The following ZNF716 variants were observed in gnomAD, a reference collection of about 807,000 sequenced individuals.
ZNF716 encodes the protein zinc finger protein 716.
ZNF716 carries 9 observed loss-of-function variants against 13.4 expected under a neutral mutation model. The observed-to-expected ratio is 0.67, with a 90% CI of 0.41 to 1.18. The LOEUF is 1.18. ZNF716 is among the 50% of genes most tolerant of loss of function. ZNF716 has a pLI of 0.01. For missense variants in ZNF716, 581 were observed against 576.6 expected, an observed-to-expected ratio of 1.01 and a Z score of -0.08; for synonymous variants, 186 against 195.2, an observed-to-expected ratio of 0.95 and a Z score of 0.39.
At position 57,469,790 on chromosome 7, in the gene ZNF716, A is replaced by G. The variant is rs782111532; in HGVS notation, c.1329A>G (p.Lys443=). The change falls in exon 4 of 4, where the codon AAA becomes AAG. Residue 443 remains lysine (K), a synonymous_variant. Transcript: ENST00000420713. ...EKLYKCKECG[K]AFTFSSTLNT... is the part of the protein sequence containing the mutation. ...TCTACAAATGTAAAGAATGTGGGAA[A>G]GCCTTTACCTTCTCCTCAACTCTAA... is the stretch of plus-strand genomic sequence containing the variant. 6.2e-7 allele frequency: 1 copy of G among 1,607,350 alleles called. No homozygotes were observed. The highest frequency in any genetic ancestry group is 8.5e-7 in the Non-Finnish European group (1 of 1,176,540).
chr7:57,468,722 A>C lies in ZNF716; in HGVS notation c.263-2A>C. The C allele has an allele frequency of 6.3e-7, 1 of 1,595,848 alleles. No individual in the cohort carries two copies. The highest frequency in any genetic ancestry group is 8.5e-7 in the Non-Finnish European group (1 of 1,175,230). On this transcript the variant is annotated splice_acceptor_variant, in intron 3 of 3. Coordinates refer to ENST00000420713, the MANE Select transcript of ZNF716 (RefSeq NM_001159279.1). LOFTEE classifies it high-confidence loss of function. Reference sequence around the variant, plus strand: ...GAAACTTGTGATTTTTATGTCTTTCAGTTACATGTTCTCATTTCACCCAAG... The same window carrying C: ...GAAACTTGTGATTTTTATGTCTTTCCGTTACATGTTCTCATTTCACCCAAG...
chr7:57,465,835 A>G (rs1789799664), intron 3 of ZNF716, among the ~76,000 whole-genome samples: 1 of 152,212 alleles, frequency 6.6e-6, no homozygotes, highest in Admixed American at 6.5e-5. Flanking sequence ...CATACACACC[A>G]TGGTATGCTA....
chr7:57,458,000 T>A (rs1462267950), intron 1 of ZNF716, among the ~76,000 whole-genome samples: 1 of 152,356 alleles, frequency 6.6e-6, no homozygotes, highest in Non-Finnish European at 1.5e-5. Flanking sequence ...TTCTTTCTTA[T>A]AACTGCATCG....
intron 3 of ZNF716, among the ~76,000 whole-genome samples, chr7:57,464,284 G>T (rs1554323691): frequency 2.0e-5 from 3 of 151,836 alleles, no homozygotes; most frequent in Non-Finnish European, 4.4e-5. Flanking sequence ...ACCATGTGCA[G>T]CTAATTTTGT....
At position 57,469,408 on chromosome 7, in the gene ZNF716, G is replaced by T. The variant is rs782811013; in HGVS notation, c.947G>T (p.Arg316Ile). Residue 316 changes from arginine (R) to isoleucine (I), a missense_variant, in exon 4 of 4, where the codon AGA (arginine) becomes ATA (isoleucine). Transcript: ENST00000420713. ...TCTTCAACACTTACTAACCACAAGA[G>T]AATTCATACTGGAGAGAGACCCTAC... is the stretch of plus-strand genomic sequence containing the variant. ...SRSSTLTNHK[R>I]IHTGERPYKC... is the part of the protein sequence containing the mutation. The T allele has an allele frequency of 6.2e-6, 10 of 1,613,368 alleles. No individual in the cohort carries two copies. Among genetic ancestry groups the T allele is most frequent in the Middle Eastern group, 1.6e-4 (1 of 6,082 alleles).
intron 1 of ZNF716, among the ~76,000 whole-genome samples, chr7:57,459,752 A>G (rs1255323147): frequency 3.9e-5 from 6 of 152,164 alleles, no homozygotes; most frequent in Non-Finnish European, 8.8e-5. Context: ...AGTGCGGTTC[A>G]TGCTCCCATT....
chr7:57,451,003 A>G (rs1554321447), intron 1 of ZNF716, among the ~76,000 whole-genome samples: 1 of 150,088 alleles, frequency 6.7e-6, no homozygotes, highest in Non-Finnish European at 1.5e-5. Context: ...TTTTTCTTCA[A>G]GAAAGTAATT....
chr7:57,463,318 G>A (rs1478542783), intron 3 of ZNF716, 150 bp downstream of exon 3: 7 of 1,026,040 alleles, frequency 6.8e-6, no homozygotes, highest in Non-Finnish European at 9.8e-6. Context: ...TGCTTACATA[G>A]GGACACCTTC....
rs782273044 is a variant in ZNF716, at chr7:57,469,178, A to G, written c.717A>G (p.Lys239=). Residue 239 remains lysine (K), a synonymous_variant, in exon 4 of 4, where the codon AAA becomes AAG. Coordinates refer to ENST00000420713, the MANE Select transcript of ZNF716 (RefSeq NM_001159279.1). The part of the protein sequence containing the change: ...TRHKRIHTGE[K]PYRCEECGKA... ...ATAAAAGAATTCATACTGGAGAGAAACCCTACAGATGTGAGGAATGTGGCA... is the reference window on the plus strand; with the variant it reads ...ATAAAAGAATTCATACTGGAGAGAAGCCCTACAGATGTGAGGAATGTGGCA... The G allele has an allele frequency of 6.8e-6, 11 of 1,612,634 alleles. No homozygotes were observed. Among genetic ancestry groups the G allele is most frequent in the East Asian group, 2.2e-5 (1 of 44,750 alleles).
intron 1 of ZNF716, among the ~76,000 whole-genome samples, chr7:57,462,099 G>T (rs1789715537): frequency 6.6e-6 from 1 of 151,596 alleles, no homozygotes; most frequent in African/African-American, 2.4e-5. Flanking sequence ...GGCGGAGGTT[G>T]CAGTGAGCCA....
At chr7:57,455,083 T>G (rs1403087674) in intron 1 of ZNF716, among the ~76,000 whole-genome samples, 5 of 152,106 alleles carry the variant, frequency 3.3e-5, no homozygotes, top group African/African-American at 1.2e-4. Context: ...TGTAAGATTT[T>G]TCAGGGTATC....
Position 57,469,988 on chromosome 7 carries a change from A to C in ZNF716, c.*39A>C. ...AGCCCTCAGGCCTTATAATACATAA[A>C]ATAATTTATACTGGAAAAAATCACT... On this transcript the variant is annotated 3_prime_UTR_variant, in exon 4 of 4. Transcript: ENST00000420713. 1 of 1,472,096 alleles carries C rather than the reference A, an allele frequency of 6.8e-7. No homozygotes were observed. The highest frequency in any genetic ancestry group is 9.0e-7 in the Non-Finnish European group (1 of 1,112,044). The allele number at this position is 1,472,096 out of a possible 1,614,324, so 91.2% of individuals were successfully genotyped here.
In ZNF716 at chr7:57,463,059, C is replaced by A. The variant is rs539271846; in HGVS notation, c.167-14C>A. 1.2e-5 allele frequency: 19 copies of A among 1,598,590 alleles called. No individual in the cohort carries two copies. The African/African-American group carries it at 2.2e-4, about 18-fold the overall frequency. ...AGCCAGATTTATGTTACTTTTTTTT[C>A]CTTAATAAAACAGGTATTGCTGTCT... is the stretch of plus-strand genomic sequence containing the variant. On this transcript the variant is annotated splice_polypyrimidine_tract_variant and intron_variant, in intron 2 of 3. Transcript: ENST00000420713.
At chr7:57,461,075 A>G (rs1444264227) in intron 1 of ZNF716, among the ~76,000 whole-genome samples, 5 of 151,400 alleles carry the variant, frequency 3.3e-5, no homozygotes, top group African/African-American at 4.9e-5. Context: ...TTCGAGACCA[A>G]CCTGGCTAAC....
At position 57,469,424 on chromosome 7, in the gene ZNF716, G is replaced by C. The variant is rs1789880769; in HGVS notation, c.963G>C (p.Glu321Asp). 1 of 1,613,908 alleles carries C rather than the reference G, an allele frequency of 6.2e-7. No homozygotes were observed. Among genetic ancestry groups the C allele is most frequent in the South Asian group, 1.1e-5 (1 of 91,072 alleles). Residue 321 changes from glutamate (E) to aspartate (D), a missense_variant, in exon 4 of 4, where the codon GAG becomes GAC. Glu to Asp is a conservative substitution (Grantham distance 45). Coordinates refer to ENST00000420713, the MANE Select transcript of ZNF716 (RefSeq NM_001159279.1). ...LTNHKRIHTG[E>D]RPYKCEECGK... ...ACCACAAGAGAATTCATACTGGAGA[G>C]AGACCCTACAAATGTGAAGAATGTG...
At position 57,469,928 on chromosome 7, in the gene ZNF716, G is replaced by A; in HGVS notation, c.1467G>A (p.Glu489=). Residue 489 remains glutamate, a synonymous_variant, in exon 4 of 4, where the codon GAG becomes GAA. Coordinates refer to ENST00000420713, the MANE Select transcript of ZNF716 (RefSeq NM_001159279.1). The stretch of plus-strand genomic sequence containing the variant: ...ATCATAAGAATATGCATACTGGAGA[G>A]AAACCCTACAAATATGAATAATGTG... The part of the protein sequence containing the change: ...LANHKNMHTG[E]KPYKYE The A allele has an allele frequency of 6.4e-7, 1 of 1,566,972 alleles. No individual in the cohort carries two copies.
At chr7:57,461,119 A>AT (rs71275931) in intron 1 of ZNF716, among the ~76,000 whole-genome samples, 55,709 of 150,768 alleles carry the variant, frequency 0.37, 10,522 homozygotes, top group East Asian at 0.51. Flanking sequence ...AAAAAAAAAA[A>AT]ATACAAAAAT....
At chr7:57,451,026 A>AT (rs35781963) in intron 1 of ZNF716, among the ~76,000 whole-genome samples, 6,691 of 147,018 alleles carry the variant, frequency 0.046, 463 homozygotes, top group African/African-American at 0.15. Flanking sequence ...CAAGAAATGC[A>AT]TTTTTTTTTT....
intron 1 of ZNF716, among the ~76,000 whole-genome samples, chr7:57,452,511 G>T (rs1789515061): frequency 6.6e-6 from 1 of 151,966 alleles, no homozygotes; most frequent in South Asian, 2.1e-4. Context: ...GGTGGTGAGT[G>T]CCTGTAATCC....
Sources: allele counts gnomAD v4.1 joint callset (sites outside exome capture counted in the v4.1 genomes callset), GRCh38; gene constraint gnomAD v4.1.1; transcripts MANE v1.5; gene names NCBI Gene and HGNC (gene_info 2026-07-23, HGNC 2026-07-21).